The following COL28A1 variants were observed in gnomAD, a reference collection of about 807,000 sequenced individuals.
COL28A1 encodes collagen type XXVIII alpha 1 chain, also known as collagen alpha-1(XXVIII) chain.
COL28A1 carries 161 observed loss-of-function variants against 150.2 expected under a neutral mutation model. That is an observed-to-expected ratio of 1.07 (90% CI 0.94 to 1.22). The LOEUF (loss-of-function observed/expected upper bound fraction) is 1.22. Among genes scored for constraint, COL28A1 ranks in the 50% most tolerant of loss-of-function variants. The pLI is 0.00. For synonymous variants in COL28A1, 552 were observed against 469.7 expected (o/e 1.18, Z -2.26); for missense variants, 1,617 against 1,388.3 (o/e 1.16, Z -2.62).
In COL28A1 at chr7:7,380,769, A is replaced by G. The variant is rs2128288720; in HGVS notation, c.2286+13T>C. 6.2e-7 allele frequency: 1 copy of G among 1,613,164 alleles called. No homozygotes were observed. The highest frequency in any genetic ancestry group is 8.5e-7 in the Non-Finnish European group (1 of 1,179,142). ...GAGTATAAAATCACAGTGAGACATT[A>G]AAAACTACTTGCCTGTTTTCCTGGA... On this transcript the variant is annotated intron_variant, in intron 29 of 34. Transcript: ENST00000399429.
intron 31 of COL28A1, among the ~76,000 whole-genome samples, chr7:7,374,702 T>C (rs1044599751): frequency 1.3e-5 from 2 of 152,298 alleles, no homozygotes; most frequent in East Asian, 1.9e-4. Context: ...GCTATTTTTA[T>C]AGGGCTTCTA....
chr7:7,361,538 C>G (rs182488947), intron 33 of COL28A1, among the ~76,000 whole-genome samples: 2 of 152,232 alleles, frequency 1.3e-5, no homozygotes, highest in African/African-American at 4.8e-5. Flanking sequence ...GCCATTCTAA[C>G]TGGCATGAAA....
Position 7,531,837 on chromosome 7 carries a change from A to G in COL28A1, c.192T>C (p.Phe64=). Residue 64 remains phenylalanine (F), a synonymous_variant, in exon 3 of 35, where the codon TTT becomes TTC. Coordinates refer to ENST00000399429, the MANE Select transcript of COL28A1 (RefSeq NM_001037763.3). ...DSSESSKIAL[F]DKQKDFVDSL... is the part of the protein sequence containing the mutation. The stretch of plus-strand genomic sequence containing the variant: ...TATCCACAAAATCTTTCTGTTTATC[A>G]AAGAGGGCAATTTTAGAACTTTCAG... 1.2e-6 allele frequency: 2 copies of G among 1,608,032 alleles called. No individual in the cohort carries two copies.
chr7:7,388,290 G>C (rs150901270), intron 27 of COL28A1, among the ~76,000 whole-genome samples: 154 of 151,948 alleles, frequency 1.0e-3, no homozygotes, highest in Non-Finnish European at 1.8e-3. Context: ...ATGTTAGTTT[G>C]CTAAGAATGA....
intron 27 of COL28A1, among the ~76,000 whole-genome samples, chr7:7,394,677 A>G (rs769388558): frequency 2.0e-5 from 3 of 151,906 alleles, no homozygotes; most frequent in Non-Finnish European, 4.4e-5. Context: ...CTGGTTATCT[A>G]CCCCGAGACT....
At position 7,520,071 on chromosome 7, in the gene COL28A1, T is replaced by C. The variant is rs371068083; in HGVS notation, c.804A>G (p.Lys268=). The C allele has an allele frequency of 1.7e-5, 24 of 1,400,410 alleles. No homozygotes were observed. The African/African-American group carries it at 3.0e-4, about 17-fold the overall frequency. 86.7% of individuals were successfully genotyped at this position (1,400,410 alleles called of 1,614,324 possible). A position where few individuals can be genotyped will look rare whatever the true frequency, so the allele number is the denominator to read the frequency against. The change falls in exon 6 of 35, where the codon AAA becomes AAG. Residue 268 remains lysine (K), a synonymous_variant. Coordinates refer to ENST00000399429, the MANE Select transcript of COL28A1 (RefSeq NM_001037763.3). The part of the protein sequence containing the change: ...NPGIKGERGP[K]GNPGNAQKGE... Reference sequence around the variant, plus strand: ...CTGTTTATTCATTTACCGGGTTTCCTTTTGGTCCTCGCTCACCTTTGATAC... The same window carrying C: ...CTGTTTATTCATTTACCGGGTTTCCCTTTGGTCCTCGCTCACCTTTGATAC...
In COL28A1 at chr7:7,380,797, T is replaced by C; in HGVS notation, c.2271A>G (p.Gly757=). 6.2e-7 allele frequency: 1 copy of C among 1,613,422 alleles called. No homozygotes were observed. The highest frequency in any genetic ancestry group is 2.2e-5 in the East Asian group (1 of 44,864). The change falls in exon 29 of 35, where the codon GGA becomes GGG. Residue 757 remains glycine, a synonymous_variant. Transcript: ENST00000399429. ...KGDKGEIGEP[G]SPGKQGLQGP... ...AACTACTTGCCTGTTTTCCTGGAGA[T>C]CCAGGCTCTCCAATTTCTCCTTTAT...
intron 27 of COL28A1, among the ~76,000 whole-genome samples, chr7:7,411,621 C>T (rs1371945028): frequency 6.6e-6 from 1 of 152,134 alleles, no homozygotes; most frequent in Non-Finnish European, 1.5e-5. Flanking sequence ...CCAGGTGTCC[C>T]TCATTCTCTG....
rs894909032 is a variant in COL28A1, at chr7:7,532,002, G to A, written c.125-98C>T. The stretch of plus-strand genomic sequence containing the variant: ...GAAGTGGTGTGTTGTATATTGTTTG[G>A]TGTTGAGAGCAGCGTGAGGAGAGAA... On this transcript the variant is annotated intron_variant, in intron 2 of 34. Transcript: ENST00000399429. The A allele has an allele frequency of 1.0e-5, 7 of 693,956 alleles. No individual in the cohort carries two copies. The Admixed American group carries it at 1.6e-4, about 16-fold the overall frequency. 43.0% of individuals were successfully genotyped at this position (693,956 alleles called of 1,614,324 possible).
chr7:7,516,449 T>C (rs1359446387), intron 7 of COL28A1, among the ~76,000 whole-genome samples: 4 of 152,220 alleles, frequency 2.6e-5, no homozygotes, highest in African/African-American at 9.6e-5. Flanking sequence ...TTCTACTGTC[T>C]TCTGTGTGTC....
chr7:7,423,040 A>T (rs575001064), intron 25 of COL28A1, among the ~76,000 whole-genome samples: 26 of 152,346 alleles, frequency 1.7e-4, no homozygotes, highest in African/African-American at 5.5e-4. Flanking sequence ...TGGGTAAGAC[A>T]AGCTTGGAAA....
At chr7:7,368,784 G>T (rs1781071664) in intron 33 of COL28A1, among the ~76,000 whole-genome samples, 2 of 152,174 alleles carry the variant, frequency 1.3e-5, no homozygotes, top group Non-Finnish European at 2.9e-5. Context: ...ATAAATATTT[G>T]TTGTTTAAGC....
At chr7:7,454,815 C>T (rs143992960) in intron 16 of COL28A1, among the ~76,000 whole-genome samples, 14 of 152,294 alleles carry the variant, frequency 9.2e-5, no homozygotes, top group Non-Finnish European at 1.5e-4. Flanking sequence ...TTGAGAATGT[C>T]GGCTGGTATA....
At chr7:7,436,497 G>T (rs1451290716) in intron 22 of COL28A1, 34 bp from the exon 23 acceptor site, 4 of 1,000,538 alleles carry the variant, frequency 4.0e-6, no homozygotes, top group Non-Finnish European at 6.4e-6. Context: ...ACAGGCTACA[G>T]TTGTGCGAGA....
the COL28A1 span, among the ~76,000 whole-genome samples, chr7:7,339,003 C>T: frequency 7.9e-5 from 12 of 152,152 alleles, no homozygotes; most frequent in Non-Finnish European, 1.6e-4. Context: ...AAATCAACTT[C>T]CAAAACTCTG....
intron 4 of COL28A1, 92 bp downstream of exon 4, chr7:7,524,137 T>A: frequency 1.3e-6 from 1 of 793,620 alleles, no homozygotes. Context: ...TTTTATTTAG[T>A]CACACTTAAT....
downstream of COL28A1, among the ~76,000 whole-genome samples, chr7:7,352,556 G>T (rs748292222): frequency 1.3e-5 from 2 of 152,134 alleles, no homozygotes; most frequent in African/African-American, 2.4e-5. Flanking sequence ...AGAATGTGAA[G>T]GACCCAACAT....
Position 7,515,674 on chromosome 7 carries a change from T to G in COL28A1, c.882+140A>C. 8.9e-6 allele frequency: 6 copies of G among 671,296 alleles called. No homozygotes were observed. The South Asian group carries it at 1.0e-4, about 11-fold the overall frequency. 41.6% of individuals were successfully genotyped at this position (671,296 alleles called of 1,614,324 possible). ...ACATCCATATGTTAAGTTCTATTAT[T>G]ATTTTATGTTAACTCAGGAATGAGG... is the stretch of plus-strand genomic sequence containing the variant. On this transcript the variant is annotated intron_variant, in intron 8 of 34. Transcript: ENST00000399429.
intron 11 of COL28A1, among the ~76,000 whole-genome samples, chr7:7,504,555 T>C (rs571415762): frequency 6.6e-6 from 1 of 152,240 alleles, no homozygotes; most frequent in Non-Finnish European, 1.5e-5. Context: ...CACCTTTTTA[T>C]GGACCATTCC....
Sources: allele counts gnomAD v4.1 joint callset (sites outside exome capture counted in the v4.1 genomes callset), GRCh38; gene constraint gnomAD v4.1.1; transcripts MANE v1.5; gene names NCBI Gene and HGNC (gene_info 2026-07-23, HGNC 2026-07-21).